NR2C2: variants seen among roughly 807,000 people sequenced by gnomAD.
NR2C2 encodes the protein nuclear receptor subfamily 2 group C member 2, also known as Nuclear hormone receptor TR4.
A neutral mutation model predicts 62.9 loss-of-function variants in NR2C2; 6 were observed. That is an observed-to-expected ratio of 0.10 (90% CI 0.05 to 0.19). NR2C2 has a LOEUF of 0.19. NR2C2 is among the 10% of genes least tolerant of loss of function. The pLI is 1.00. For missense variants in NR2C2, 479 were observed against 762.7 expected, an observed-to-expected ratio of 0.63 and a Z score of 4.38; for synonymous variants, 272 against 273.8, an observed-to-expected ratio of 0.99 and a Z score of 0.07.
chr3:15,028,743 CT>C (rs760451951), intron 8 of NR2C2, 24 bp downstream of exon 8: 6 of 1,608,434 alleles, frequency 3.7e-6, no homozygotes, highest in Non-Finnish European at 5.1e-6. Context: ...AGGATGGAGT[CT>C]CCCCTCCTCG....
chr3:15,003,140 T>TG (rs2041069582), intron 1 of NR2C2, among the ~76,000 whole-genome samples: 1 of 148,088 alleles, frequency 6.8e-6, no homozygotes, highest in African/African-American at 2.5e-5. Context: ...AATGTAGAGA[T>TG]GGAGTTTTAC....
At chr3:14,954,344 T>C (rs181409876) in intron 1 of NR2C2, among the ~76,000 whole-genome samples, 19 of 152,120 alleles carry the variant, frequency 1.2e-4, no homozygotes, top group Admixed American at 7.9e-4. Flanking sequence ...AAATTAAAAA[T>C]AGATAAAAGT....
At position 15,047,548 on chromosome 3, in the gene NR2C2, TCA is replaced by T. The variant is rs1287758458; in HGVS notation, c.*4542_*4543del. 2 of 152,242 alleles carry T rather than the reference TCA, an allele frequency of 1.3e-5. No individual in the cohort carries two copies. Among genetic ancestry groups the T allele is most frequent in the East Asian group, 3.8e-4 (2 of 5,200 alleles). 9.4% of individuals were successfully genotyped at this position (152,242 alleles called of 1,614,324 possible). ...CTGTTGAGTAGCCCAGAGACAGGCG[TCA>T]CGGTCAGAGATTCAGAACGGTCTGT... On this transcript the variant is annotated 3_prime_UTR_variant, in exon 14 of 14. Coordinates refer to ENST00000425241, the MANE Select transcript of NR2C2 (RefSeq NM_001291694.2).
intron 11 of NR2C2, among the ~76,000 whole-genome samples, chr3:15,037,391 G>A (rs1425423913): frequency 1.3e-5 from 2 of 152,050 alleles, no homozygotes; most frequent in African/African-American, 2.4e-5. Context: ...TTTTAACTGA[G>A]TATAATACTA....
rs371981775 is a variant in NR2C2, at chr3:15,002,645, C to CTTTT, written c.-39-1204_-39-1201dup. Among the ~76,000 whole-genome samples, 257 of 39,510 alleles carry CTTTT rather than the reference C, an allele frequency of 6.5e-3. 63 individuals carry two copies. Among genetic ancestry groups the CTTTT allele is most frequent in the Non-Finnish European group, 9.2e-3 (197 of 21,402 alleles). 25.9% of individuals were successfully genotyped at this position (39,510 alleles called of 152,430 possible). A position where few individuals can be genotyped will look rare whatever the true frequency, so the allele number is the denominator to read the frequency against. ...TTTTTTGTGAAGTGTTCACAATATACTTTTTTTTTTTTTTTTTTTTTTTTT... is the reference window on the plus strand; with the variant it reads ...TTTTTTGTGAAGTGTTCACAATATACTTTTTTTTTTTTTTTTTTTTTTTTTTTTT... On this transcript the variant is annotated intron_variant, in intron 1 of 13. Transcript: ENST00000425241.
chr3:15,034,728 C>T lies in NR2C2; in HGVS notation c.1291C>T (p.Leu431=), dbSNP rs1377220962. 6 of 1,614,218 alleles carry T rather than the reference C, an allele frequency of 3.7e-6. No homozygotes were observed. The highest frequency in any genetic ancestry group is 3.4e-6 in the Non-Finnish European group (4 of 1,180,030). ...CTGGAATGAGCTCTTCACCCTCGGCCTGGCCCAGTGTGCCCAGGTCATGAG... is the reference window on the plus strand; with the variant it reads ...CTGGAATGAGCTCTTCACCCTCGGCTTGGCCCAGTGTGCCCAGGTCATGAG... ...ACWNELFTLG[L]AQCAQVMSLS... is the part of the protein sequence containing the mutation. The change falls in exon 11 of 14, where the codon CTG becomes TTG. Residue 431 remains leucine (L), a synonymous_variant. Coordinates refer to ENST00000425241, the MANE Select transcript of NR2C2 (RefSeq NM_001291694.2).
intron 4 of NR2C2, among the ~76,000 whole-genome samples, chr3:15,019,005 G>C (rs568527082): frequency 3.0e-4 from 24 of 79,974 alleles, no homozygotes; most frequent in Non-Finnish European, 5.3e-4. Context: ...ACAAAAGCAA[G>C]ACTCTTGTCT....
intron 5 of NR2C2, among the ~76,000 whole-genome samples, chr3:15,021,563 GA>G (rs897118991): frequency 2.0e-5 from 3 of 152,182 alleles, no homozygotes; most frequent in Non-Finnish European, 2.9e-5. Flanking sequence ...AGCTAGTGGT[GA>G]AAACATGAAG....
chr3:14,994,268 A>G (rs1013481754), intron 1 of NR2C2, among the ~76,000 whole-genome samples: 2 of 151,988 alleles, frequency 1.3e-5, no homozygotes, highest in African/African-American at 4.8e-5. Context: ...CACAGAGAAA[A>G]CATTTCTATA....
At chr3:15,012,117 C>T (rs2041372180) in intron 2 of NR2C2, among the ~76,000 whole-genome samples, 1 of 152,142 alleles carries the variant, frequency 6.6e-6, no homozygotes, top group African/African-American at 2.4e-5. Context: ...CTTTTCTTGC[C>T]TATGTCATTT....
At chr3:14,954,676 G>A (rs144656783) in intron 1 of NR2C2, among the ~76,000 whole-genome samples, 1 of 152,306 alleles carries the variant, frequency 6.6e-6, no homozygotes, top group East Asian at 1.9e-4. Flanking sequence ...ATAAAAGTCA[G>A]GAGAGGGAAG....
In NR2C2 at chr3:15,048,477, A is replaced by G. The variant is rs1261910445; in HGVS notation, c.*5469A>G. ...AGATATTTTTAATGCCCAGCTATAA[A>G]TAATTTTGGTGTCTTGATATTTATA... On this transcript the variant is annotated 3_prime_UTR_variant, in exon 14 of 14. Coordinates refer to ENST00000425241, the MANE Select transcript of NR2C2 (RefSeq NM_001291694.2). 1.3e-5 allele frequency: 2 copies of G among 152,660 alleles called. No homozygotes were observed. The highest frequency in any genetic ancestry group is 2.9e-5 in the Non-Finnish European group (2 of 68,040). 9.5% of individuals were successfully genotyped at this position (152,660 alleles called of 1,614,324 possible).
chr3:15,008,934 T>C (rs949056906), intron 2 of NR2C2, among the ~76,000 whole-genome samples: 7 of 152,084 alleles, frequency 4.6e-5, no homozygotes, highest in Non-Finnish European at 1.0e-4. Context: ...ATAAATATGG[T>C]ACTTGGTCGG....
chr3:15,019,723 CAG>C (rs1559296710), intron 4 of NR2C2, among the ~76,000 whole-genome samples: 1 of 151,562 alleles, frequency 6.6e-6, no homozygotes, highest in Admixed American at 6.6e-5. Context: ...ATCATAGAAA[CAG>C]AGAGTAGAAT....
chr3:14,993,386 G>A (rs1484017409), intron 1 of NR2C2, among the ~76,000 whole-genome samples: 1 of 151,768 alleles, frequency 6.6e-6, no homozygotes. Context: ...CCTGGGAGGC[G>A]GAGGTTACAG....
intron 1 of NR2C2, among the ~76,000 whole-genome samples, chr3:14,950,173 C>T (rs1290391336): frequency 6.6e-6 from 1 of 152,048 alleles, no homozygotes; most frequent in Non-Finnish European, 1.5e-5. Context: ...AATTTTTATG[C>T]AGTGTGGTGT....
chr3:14,973,601 T>A (rs913925470), intron 1 of NR2C2, among the ~76,000 whole-genome samples: 32 of 133,918 alleles, frequency 2.4e-4, no homozygotes, highest in Non-Finnish European at 6.4e-5. Context: ...TATGATCCAG[T>A]TATACGGTAT....
chr3:14,953,141 T>G (rs898465365), intron 1 of NR2C2, among the ~76,000 whole-genome samples: 2 of 151,416 alleles, frequency 1.3e-5, no homozygotes, highest in Non-Finnish European at 3.0e-5. Context: ...TGGACTCCAG[T>G]TGGCCTGTAA....
chr3:15,018,152 C>T (rs934774564), intron 4 of NR2C2, among the ~76,000 whole-genome samples: 2 of 152,146 alleles, frequency 1.3e-5, no homozygotes, highest in Non-Finnish European at 2.9e-5. Flanking sequence ...GTGTCTGCCA[C>T]CACGCCTGGC....
Sources: allele counts gnomAD v4.1 joint callset (sites outside exome capture counted in the v4.1 genomes callset), GRCh38; gene constraint gnomAD v4.1.1; transcripts MANE v1.5; gene names NCBI Gene and HGNC (gene_info 2026-07-23, HGNC 2026-07-21).